Variants in ADAM12 observed in about 807,000 individuals in gnomAD.
ADAM12 encodes the protein disintegrin and metalloproteinase domain-containing protein 12.
ADAM12 carries 70 observed loss-of-function variants against 106.4 expected under a neutral mutation model. The ratio of observed to expected loss-of-function variants is 0.66; its 90% CI spans 0.54 to 0.80. ADAM12 has a LOEUF of 0.80. Among genes scored for constraint, ADAM12 ranks in the 30% least tolerant of loss-of-function variants. ADAM12 has a pLI of 0.00. For synonymous variants in ADAM12, 420 were observed against 433.5 expected (o/e 0.97, Z 0.39); for missense variants, 1,010 against 1,171.9 (o/e 0.86, Z 2.02).
chr10:126,068,200 A>C (rs566450348), intron 12 of ADAM12, among the ~76,000 whole-genome samples: 1 of 152,154 alleles, frequency 6.6e-6, no homozygotes, highest in Non-Finnish European at 1.5e-5. Context: ...AACTTTTTTT[A>C]AAAAAAGTAG....
rs573651868 is a variant in ADAM12 at position 126,277,051 on chromosome 10, A to G, written c.260+1864T>C. 2.0e-5 allele frequency among the ~76,000 whole-genome samples: 3 copies of G among 152,360 alleles called. No individual in the cohort carries two copies. In the South Asian group the frequency reaches 6.2e-4, roughly 32 times the overall value. ...GAAGCTAAATGAAGTAGCAGGGTAT[A>G]AAATTGCATACAGACTGTGATATCA... On this transcript the variant is annotated intron_variant, in intron 3 of 22. Transcript: ENST00000448723.
chr10:126,052,592 T>C (rs1954531288), intron 14 of ADAM12, among the ~76,000 whole-genome samples: 1 of 151,990 alleles, frequency 6.6e-6, no homozygotes, highest in Non-Finnish European at 1.5e-5. Context: ...TACAAACAGC[T>C]CAACAGCAGC....
intron 17 of ADAM12, among the ~76,000 whole-genome samples, chr10:126,045,687 T>A (rs1954298358): frequency 3.9e-5 from 6 of 152,250 alleles, no homozygotes; most frequent in Admixed American, 3.9e-4. Flanking sequence ...TAATTCCTTT[T>A]GGAAATATTT....
intron 3 of ADAM12, among the ~76,000 whole-genome samples, chr10:126,238,751 G>C (rs1003702828): frequency 1.3e-5 from 2 of 152,142 alleles, no homozygotes; most frequent in African/African-American, 4.8e-5. Flanking sequence ...ACTTCTTCCA[G>C]GCAACAGCTC....
intron 3 of ADAM12, among the ~76,000 whole-genome samples, chr10:126,259,929 G>A (rs1345642182): frequency 6.6e-6 from 1 of 152,194 alleles, no homozygotes; most frequent in African/African-American, 2.4e-5. Context: ...TTAGGTGTCT[G>A]TCACATGGGA....
chr10:126,047,104 C>T (rs1174173079), intron 16 of ADAM12, among the ~76,000 whole-genome samples: 1 of 152,182 alleles, frequency 6.6e-6, no homozygotes, highest in Non-Finnish European at 1.5e-5. Context: ...AACTCAGCCT[C>T]ATTTCAAATG....
intron 3 of ADAM12, among the ~76,000 whole-genome samples, chr10:126,240,613 G>T (rs1958503437): frequency 6.6e-6 from 1 of 152,266 alleles, no homozygotes; most frequent in African/African-American, 2.4e-5. Flanking sequence ...TGAAGGCTGA[G>T]AAGGAGCTAC....
At chr10:126,227,718 AC>A (rs1333448196) in intron 3 of ADAM12, among the ~76,000 whole-genome samples, 1 of 152,130 alleles carries the variant, frequency 6.6e-6, no homozygotes, top group Non-Finnish European at 1.5e-5. Context: ...TGGAGAGAGT[AC>A]CCCCATCACC....
At chr10:126,374,645 T>A (rs962400441) in intron 1 of ADAM12, among the ~76,000 whole-genome samples, 1 of 152,088 alleles carries the variant, frequency 6.6e-6, no homozygotes, top group South Asian at 2.1e-4. Context: ...TTTAGACTTG[T>A]AGACATCACC....
chr10:126,333,427 T>A (rs1473596070), intron 1 of ADAM12, among the ~76,000 whole-genome samples: 1 of 152,176 alleles, frequency 6.6e-6, no homozygotes. Context: ...GGAGGAAGAA[T>A]CTTTGCACTT....
At chr10:126,134,879 T>A (rs1278330) in intron 5 of ADAM12, among the ~76,000 whole-genome samples, 82,948 of 152,158 alleles carry the variant, frequency 0.55, 25,040 homozygotes, top group African/African-American at 0.83. Context: ...GACTCTGAGG[T>A]TACAAACATT....
chr10:126,081,062 C>T (rs957129782), intron 11 of ADAM12, among the ~76,000 whole-genome samples: 6 of 150,924 alleles, frequency 4.0e-5, no homozygotes, highest in Middle Eastern at 3.4e-3. Flanking sequence ...GGAAATTAGG[C>T]GTCTGGAGAA....
chr10:126,039,820 C>A (rs940423280), intron 18 of ADAM12, among the ~76,000 whole-genome samples: 1 of 152,210 alleles, frequency 6.6e-6, no homozygotes, highest in South Asian at 2.1e-4. Flanking sequence ...CAGTCCCCAG[C>A]ACAGATTTGC....
chr10:126,312,030 C>T (rs1213234950), intron 2 of ADAM12, among the ~76,000 whole-genome samples: 1 of 151,234 alleles, frequency 6.6e-6, no homozygotes, highest in Admixed American at 6.6e-5. Context: ...TGGGATGGAA[C>T]CCTTTGCCTG....
chr10:126,331,506 GC>G (rs1279461052), intron 1 of ADAM12, among the ~76,000 whole-genome samples: 1 of 152,162 alleles, frequency 6.6e-6, no homozygotes, highest in Non-Finnish European at 1.5e-5. Flanking sequence ...ATTTTATCAT[GC>G]TCAATGTGGA....
At chr10:126,295,397 G>T (rs1475669361) in intron 2 of ADAM12, among the ~76,000 whole-genome samples, 1 of 152,130 alleles carries the variant, frequency 6.6e-6, no homozygotes, top group Non-Finnish European at 1.5e-5. Context: ...ACACCACACT[G>T]CCATTTGTAT....
intron 2 of ADAM12, among the ~76,000 whole-genome samples, chr10:126,289,257 C>T (rs370649449): frequency 6.6e-6 from 1 of 152,370 alleles, no homozygotes; most frequent in South Asian, 2.1e-4. Context: ...CCTCTGCTGC[C>T]CCGTGCCCTC....
intron 11 of ADAM12, among the ~76,000 whole-genome samples, chr10:126,092,361 G>A (rs1419348804): frequency 6.6e-6 from 1 of 152,150 alleles, no homozygotes; most frequent in African/African-American, 2.4e-5. Flanking sequence ...CCAGCGTGTG[G>A]CCCAGCATAG....
intron 2 of ADAM12, among the ~76,000 whole-genome samples, chr10:126,287,752 C>T (rs1959938535): frequency 6.6e-6 from 1 of 152,034 alleles, no homozygotes; most frequent in Non-Finnish European, 1.5e-5. Context: ...TCAGAGAAGT[C>T]CCGGCCTCCT....
Sources: allele counts gnomAD v4.1 joint callset (sites outside exome capture counted in the v4.1 genomes callset), GRCh38; gene constraint gnomAD v4.1.1; transcripts MANE v1.5; gene names NCBI Gene and HGNC (gene_info 2026-07-23, HGNC 2026-07-21).